Variants in BRINP3 observed in about 807,000 individuals in gnomAD.
The protein encoded by BRINP3 is BMP/retinoic acid-inducible neural-specific protein 3.
In BRINP3, 19 loss-of-function variants were observed where a neutral mutation model predicts 71.0. That is an observed-to-expected ratio of 0.27 (90% CI 0.19 to 0.39). The LOEUF is 0.39. BRINP3 is among the 10% of genes least tolerant of loss of function. The probability of loss-of-function intolerance (pLI) is 1.00; values close to 1 mark genes in which losing one functional copy is unlikely to be tolerated. For synonymous variants in BRINP3, 380 were observed against 337.7 expected (o/e 1.13, Z -1.37); for missense variants, 959 against 940.8 (o/e 1.02, Z -0.25).
Position 190,167,639 on chromosome 1 carries a change from G to T in BRINP3, c.962-6749C>A, listed in dbSNP as rs144969067. Reference sequence around the variant, plus strand: ...CAGGATTGAATTTAAATTCCTTTCAGATCTGTTATGTTAAAGTTACAAAGA... The same window carrying T: ...CAGGATTGAATTTAAATTCCTTTCATATCTGTTATGTTAAAGTTACAAAGA... On this transcript the variant is annotated intron_variant, in intron 6 of 7. Coordinates refer to ENST00000367462, the MANE Select transcript of BRINP3 (RefSeq NM_199051.3). 5.4e-3 allele frequency among the ~76,000 whole-genome samples: 825 copies of T among 152,226 alleles called. 6 individuals carry two copies. Among genetic ancestry groups the T allele is most frequent in the African/African-American group, 0.018 (751 of 41,540 alleles).
At chr1:190,285,534 G>C (rs79136924) in intron 2 of BRINP3, among the ~76,000 whole-genome samples, 21,504 of 151,950 alleles carry the variant, frequency 0.14, 2,010 homozygotes, top group South Asian at 0.26. Flanking sequence ...AGGAGGCGGA[G>C]GTGGCAGTGA....
At chr1:190,403,812 T>C (rs757323235) in intron 2 of BRINP3, among the ~76,000 whole-genome samples, 24 of 152,186 alleles carry the variant, frequency 1.6e-4, no homozygotes, top group Non-Finnish European at 2.6e-4. Flanking sequence ...TTCTCATCAC[T>C]ACACACACAC....
intron 2 of BRINP3, among the ~76,000 whole-genome samples, chr1:190,361,370 G>C (rs1005068374): frequency 2.0e-5 from 3 of 151,696 alleles, no homozygotes; most frequent in Admixed American, 6.6e-5. Flanking sequence ...TGTAATTTAG[G>C]AAAATATAAG....
At chr1:190,473,761 C>T (rs75186211) in intron 1 of BRINP3, among the ~76,000 whole-genome samples, 2,248 of 131,200 alleles carry the variant, frequency 0.017, 26 homozygotes, top group Non-Finnish European at 0.026. Flanking sequence ...GGAAGAAAAC[C>T]CATAATTTTC....
At chr1:190,249,863 T>G (rs963651262) in intron 4 of BRINP3, among the ~76,000 whole-genome samples, 2 of 151,862 alleles carry the variant, frequency 1.3e-5, no homozygotes, top group Non-Finnish European at 2.9e-5. Context: ...CCAAAACCTC[T>G]AAATTTAAAA....
Position 190,169,597 on chromosome 1 carries a change from T to A in BRINP3, c.962-8707A>T, listed in dbSNP as rs572157114. ...CTAACTGAGGCCTCAAGGGCAATTA[T>A]AATTTGTAGTTCAACAAGATTTTAA... On this transcript the variant is annotated intron_variant, in intron 6 of 7. Coordinates refer to ENST00000367462, the MANE Select transcript of BRINP3 (RefSeq NM_199051.3). Among the ~76,000 whole-genome samples, 12 of 152,302 alleles carry A rather than the reference T, an allele frequency of 7.9e-5. No individual in the cohort carries two copies. In the East Asian group the frequency reaches 2.1e-3, roughly 27 times the overall value.
chr1:190,332,053 T>C (rs1298104652), intron 2 of BRINP3, among the ~76,000 whole-genome samples: 1 of 152,038 alleles, frequency 6.6e-6, no homozygotes, highest in Admixed American at 6.6e-5. Context: ...AATCTGGCCA[T>C]TTACAATAAG....
intron 2 of BRINP3, among the ~76,000 whole-genome samples, chr1:190,430,975 A>C (rs935632740): frequency 3.3e-5 from 5 of 152,042 alleles, no homozygotes; most frequent in Admixed American, 3.3e-4. Flanking sequence ...TTTACTCATC[A>C]AGCTTATTGT....
intron 2 of BRINP3, among the ~76,000 whole-genome samples, chr1:190,422,283 A>T (rs1176154756): frequency 6.6e-6 from 1 of 151,860 alleles, no homozygotes; most frequent in Non-Finnish European, 1.5e-5. Flanking sequence ...TGCTTGCCTT[A>T]GAATGTGGTC....
chr1:190,098,367 A>G lies in BRINP3; in HGVS notation c.1952T>C (p.Phe651Ser), dbSNP rs575687014. 4.2e-5 allele frequency: 68 copies of G among 1,614,138 alleles called. No individual in the cohort carries two copies. The East Asian group carries it at 1.4e-3, about 33-fold the overall frequency. Reference sequence around the variant, plus strand: ...GCCCAGGTTCCGGGAAGGGTCAATAAACTCCAGAGGTTCATAGTAAATGCT... The same window carrying G: ...GCCCAGGTTCCGGGAAGGGTCAATAGACTCCAGAGGTTCATAGTAAATGCT... ...NESIYYEPLEFIDPSRNLGYM... is the reference protein window; with the variant it reads ...NESIYYEPLESIDPSRNLGYM... The change falls in exon 8 of 8, where the codon TTT becomes TCT. Residue 651 changes from phenylalanine (F) to serine (S), a missense_variant. Coordinates refer to ENST00000367462, the MANE Select transcript of BRINP3 (RefSeq NM_199051.3).
chr1:190,099,090 C>T lies in BRINP3; in HGVS notation c.1229G>A (p.Cys410Tyr), dbSNP rs1191081025. The T allele has an allele frequency of 6.2e-7, 1 of 1,613,938 alleles. No homozygotes were observed. The highest frequency in any genetic ancestry group is 8.5e-7 in the Non-Finnish European group (1 of 1,179,974). The change falls in exon 8 of 8, where the codon TGC becomes TAC. Residue 410 changes from cysteine (C) to tyrosine (Y), a missense_variant. Coordinates refer to ENST00000367462, the MANE Select transcript of BRINP3 (RefSeq NM_199051.3). Reference protein sequence around the residue: ...WLTRIQSFLYCNENGLLGSFS... With the variant: ...WLTRIQSFLYYNENGLLGSFS... ...GCTGCCTAGGAGGCCGTTCTCATTG[C>T]AGTAGAGAAAAGACTGGATGCGAGT...
intron 3 of BRINP3, among the ~76,000 whole-genome samples, chr1:190,277,895 A>G (rs996755039): frequency 4.0e-5 from 6 of 151,750 alleles, no homozygotes; most frequent in East Asian, 3.9e-4. Context: ...CTGAATTACT[A>G]TATCGATAAA....
chr1:190,353,357 T>C (rs1668524462), intron 2 of BRINP3, among the ~76,000 whole-genome samples: 1 of 152,014 alleles, frequency 6.6e-6, no homozygotes, highest in African/African-American at 2.4e-5. Flanking sequence ...CTAATGCCAC[T>C]TTGATTAGTG....
chr1:190,123,427 T>A (rs528898294), intron 7 of BRINP3, among the ~76,000 whole-genome samples: 1 of 152,244 alleles, frequency 6.6e-6, no homozygotes, highest in East Asian at 1.9e-4. Flanking sequence ...AAATGTTAGC[T>A]CGTCGGTATG....
intron 2 of BRINP3, among the ~76,000 whole-genome samples, chr1:190,449,562 T>A (rs1476720727): frequency 1.4e-5 from 2 of 140,856 alleles, no homozygotes; most frequent in South Asian, 4.5e-4. Context: ...TATTATAGCA[T>A]GTATATATAT....
intron 4 of BRINP3, among the ~76,000 whole-genome samples, chr1:190,247,860 C>T (rs1183195629): frequency 6.6e-6 from 1 of 151,844 alleles, no homozygotes; most frequent in African/African-American, 2.4e-5. Flanking sequence ...CTTACATTTC[C>T]AATACACATT....
intron 6 of BRINP3, among the ~76,000 whole-genome samples, chr1:190,183,759 A>C (rs1653253765): frequency 1.3e-5 from 2 of 152,112 alleles, no homozygotes; most frequent in South Asian, 4.1e-4. Context: ...TGGGGATGAA[A>C]GTCCAGGCTC....
intron 4 of BRINP3, among the ~76,000 whole-genome samples, chr1:190,248,765 C>T (rs1659849029): frequency 6.6e-6 from 1 of 151,784 alleles, no homozygotes; most frequent in Non-Finnish European, 1.5e-5. Flanking sequence ...CACACACACT[C>T]ATACACTCAC....
At chr1:190,150,417 G>A (rs944197238) in intron 7 of BRINP3, among the ~76,000 whole-genome samples, 3 of 152,052 alleles carry the variant, frequency 2.0e-5, no homozygotes, top group East Asian at 1.9e-4. Context: ...TAGAGATTGC[G>A]TACTGCATCT....
Sources: allele counts gnomAD v4.1 joint callset (sites outside exome capture counted in the v4.1 genomes callset), GRCh38; gene constraint gnomAD v4.1.1; transcripts MANE v1.5; gene names NCBI Gene and HGNC (gene_info 2026-07-23, HGNC 2026-07-21).